Variants in NCALD observed in about 807,000 individuals in gnomAD.
The protein encoded by NCALD is neurocalcin delta.
Under a neutral mutation model 18.6 loss-of-function variants are expected in NCALD, and 10 were observed. The observed-to-expected ratio is 0.54, with a 90% CI of 0.33 to 0.91. The LOEUF is 0.91. Among genes scored for constraint, NCALD ranks in the 40% least tolerant of loss-of-function variants. The pLI, the probability that NCALD is intolerant of heterozygous loss-of-function variation, is 0.03. For synonymous variants in NCALD, 88 were observed against 87.4 expected, an observed-to-expected ratio of 1.01 and a Z score of -0.04; for missense variants, 184 against 247.6, an observed-to-expected ratio of 0.74 and a Z score of 1.72.
chr8:101,848,462 C>A lies in NCALD; in HGVS notation c.-20+38679G>T, dbSNP rs17408052. ...ACAGATACAGCAAGAAGCTGTTGGACCCCTCAGAAGATCCATATCCAAGAT... is the reference window on the plus strand; with the variant it reads ...ACAGATACAGCAAGAAGCTGTTGGAACCCTCAGAAGATCCATATCCAAGAT... On this transcript the variant is annotated intron_variant, in intron 4 of 6. Coordinates refer to the NCALD transcript ENST00000311028. Among the ~76,000 whole-genome samples the A allele has an allele frequency of 6.0e-3, 913 of 152,202 alleles. 4 individuals are homozygous for A. Among genetic ancestry groups the A allele is most frequent in the Non-Finnish European group, 9.4e-3 (641 of 67,996 alleles).
At chr8:101,910,441 C>A (rs992804564) in intron 3 of NCALD, among the ~76,000 whole-genome samples, 142 of 152,084 alleles carry the variant, frequency 9.3e-4, no homozygotes, top group Middle Eastern at 3.4e-3. Flanking sequence ...AAGAATAGTA[C>A]CAAATAAAGA....
At chr8:102,072,803 C>T (rs555834400) in intron 1 of NCALD, among the ~76,000 whole-genome samples, 1 of 152,170 alleles carries the variant, frequency 6.6e-6, no homozygotes, top group South Asian at 2.1e-4. Context: ...CCATGGGACA[C>T]CATTCGAAAG....
chr8:101,750,440 C>T (rs1271324853), intron 1 of NCALD, among the ~76,000 whole-genome samples: 2 of 152,134 alleles, frequency 1.3e-5, no homozygotes, highest in Non-Finnish European at 2.9e-5. Context: ...TTTGATTTCC[C>T]AAGGTCTGTA....
chr8:101,854,730 T>TAAA (rs1438748188), intron 4 of NCALD, among the ~76,000 whole-genome samples: 2 of 152,194 alleles, frequency 1.3e-5, no homozygotes, highest in African/African-American at 4.8e-5. Context: ...CCGATTATCC[T>TAAA]AAAGTATAAC....
At chr8:102,039,529 T>C (rs1446412952) in intron 1 of NCALD, among the ~76,000 whole-genome samples, 1 of 152,182 alleles carries the variant, frequency 6.6e-6, no homozygotes, top group African/African-American at 2.4e-5. Context: ...ATCATTAATA[T>C]GATAGAGCTT....
At chr8:101,724,372 G>A (rs926948856) in intron 1 of NCALD, among the ~76,000 whole-genome samples, 3 of 152,182 alleles carry the variant, frequency 2.0e-5, no homozygotes, top group South Asian at 2.1e-4. Flanking sequence ...ACTATGACAC[G>A]TTGGCCTCCT....
chr8:101,699,158 CAT>C (rs1173798839), intron 2 of NCALD, among the ~76,000 whole-genome samples: 1 of 151,448 alleles, frequency 6.6e-6, no homozygotes, highest in Non-Finnish European at 1.5e-5. Flanking sequence ...AGCCTACAAA[CAT>C]ATGAAAAAGC....
At chr8:102,070,432 A>AT (rs1234035712) in intron 1 of NCALD, among the ~76,000 whole-genome samples, 1 of 152,108 alleles carries the variant, frequency 6.6e-6, no homozygotes, top group South Asian at 2.1e-4. Flanking sequence ...TGTCACTTTC[A>AT]TTTTTTTCAA....
intron 4 of NCALD, among the ~76,000 whole-genome samples, chr8:101,858,389 A>T (rs1419529407): frequency 6.6e-6 from 1 of 152,174 alleles, no homozygotes; most frequent in East Asian, 1.9e-4. Context: ...GAGAGGTGGA[A>T]CTGAAAACAA....
intron 1 of NCALD, among the ~76,000 whole-genome samples, chr8:101,741,634 G>A (rs1411036809): frequency 1.3e-5 from 2 of 148,306 alleles, no homozygotes. Context: ...ACAGTGAAAG[G>A]AAAAAAAAAA....
chr8:101,725,416 C>G (rs937172558), intron 1 of NCALD, among the ~76,000 whole-genome samples: 1 of 152,212 alleles, frequency 6.6e-6, no homozygotes, highest in African/African-American at 2.4e-5. Context: ...AGCTTCCCTT[C>G]TGGTGAGAGC....
At chr8:101,885,845 G>GCAAAAACA (rs1403118197) in intron 4 of NCALD, among the ~76,000 whole-genome samples, 1 of 152,114 alleles carries the variant, frequency 6.6e-6, no homozygotes, top group South Asian at 2.1e-4. Context: ...CTGTCTTTAG[G>GCAAAAACA]CAAAAACACA....
At chr8:102,081,513 C>A (rs60043197) in intron 1 of NCALD, among the ~76,000 whole-genome samples, 1 of 123,396 alleles carries the variant, frequency 8.1e-6, no homozygotes, top group South Asian at 2.9e-4. Flanking sequence ...ACGCCTATTT[C>A]TGATTTAAGT....
At chr8:101,767,245 G>A (rs1811388819) in intron 1 of NCALD, among the ~76,000 whole-genome samples, 1 of 152,150 alleles carries the variant, frequency 6.6e-6, no homozygotes, top group Admixed American at 6.6e-5. Flanking sequence ...AATACTGCAA[G>A]TAATAAGTAA....
At chr8:101,817,275 G>T (rs1184398645) in intron 4 of NCALD, among the ~76,000 whole-genome samples, 2 of 152,126 alleles carry the variant, frequency 1.3e-5, no homozygotes, top group East Asian at 1.9e-4. Context: ...CAGCAGAAGA[G>T]CCTCAGGGAG....
chr8:102,003,037 C>G (rs1199202917), intron 2 of NCALD, among the ~76,000 whole-genome samples: 2 of 152,014 alleles, frequency 1.3e-5, no homozygotes, highest in Non-Finnish European at 2.9e-5. Context: ...CAGAGCAGAA[C>G]TGAAGGAAAC....
At chr8:101,910,095 A>C (rs1379497842) in intron 3 of NCALD, among the ~76,000 whole-genome samples, 1 of 152,142 alleles carries the variant, frequency 6.6e-6, no homozygotes. Context: ...CTGAGACCTC[A>C]GTGAGGATAA....
chr8:101,696,336 T>C (rs537851221), intron 2 of NCALD, among the ~76,000 whole-genome samples: 3 of 152,310 alleles, frequency 2.0e-5, no homozygotes, highest in East Asian at 3.9e-4. Context: ...TGTAAAACCA[T>C]TGTTGAGAAA....
At chr8:102,004,362 G>C (rs994656142) in intron 2 of NCALD, among the ~76,000 whole-genome samples, 2 of 152,010 alleles carry the variant, frequency 1.3e-5, no homozygotes, top group Non-Finnish European at 2.9e-5. Flanking sequence ...ACAAACCACT[G>C]CTCAAGGAAA....
Sources: gnomAD v4.1 joint callset for allele counts (sites outside exome capture counted in the v4.1 genomes callset) on GRCh38, gnomAD v4.1.1 for gene constraint, MANE v1.5 for transcripts, NCBI Gene and HGNC (gene_info 2026-07-23, HGNC 2026-07-21) for gene names.